Variants in ATF7IP2 observed in about 807,000 individuals in gnomAD.
The protein encoded by ATF7IP2 is activating transcription factor 7-interacting protein 2.
Under a neutral mutation model 64.2 loss-of-function variants are expected in ATF7IP2, and 42 were observed. That is an observed-to-expected ratio of 0.65 (90% confidence interval 0.51 to 0.85). The LOEUF (loss-of-function observed/expected upper bound fraction) is 0.85. Among genes scored for constraint, ATF7IP2 ranks in the 40% least tolerant of loss-of-function variants. The pLI is 0.00. For missense variants in ATF7IP2, 933 were observed against 784.2 expected, an observed-to-expected ratio of 1.19 and a Z score of -2.27; for synonymous variants, 308 against 272.8, an observed-to-expected ratio of 1.13 and a Z score of -1.27.
chr16:10,483,232 C>A lies in ATF7IP2; in HGVS notation c.*983C>A, dbSNP rs1012753077. 1.3e-5 allele frequency: 2 copies of A among 152,184 alleles called. No homozygotes were observed. Among genetic ancestry groups the A allele is most frequent in the African/African-American group, 2.4e-5 (1 of 41,448 alleles). 9.4% of individuals were successfully genotyped at this position (152,184 alleles called of 1,614,324 possible). Reference sequence around the variant, plus strand: ...CATAATGTATCTTATGAAAGCATTACCCAACCTGTTTGAGTTGAGAATGCA... The same window carrying A: ...CATAATGTATCTTATGAAAGCATTAACCAACCTGTTTGAGTTGAGAATGCA... On this transcript the variant is annotated 3_prime_UTR_variant, in exon 14 of 14. Transcript: ENST00000562102.
intron 9 of ATF7IP2, among the ~76,000 whole-genome samples, chr16:10,471,000 A>G (rs925501397): frequency 1.3e-5 from 2 of 152,082 alleles, no homozygotes; most frequent in Non-Finnish European, 2.9e-5. Flanking sequence ...TGGTGTTGGC[A>G]TAGGGATAGG....
chr16:10,409,913 A>G (rs1427936994), intron 1 of ATF7IP2, among the ~76,000 whole-genome samples: 4 of 152,188 alleles, frequency 2.6e-5, no homozygotes, highest in Non-Finnish European at 4.4e-5. Flanking sequence ...TCAGTTCTGT[A>G]TCCTGTTCCA....
chr16:10,435,780 A>T (rs1360527135), intron 6 of ATF7IP2, among the ~76,000 whole-genome samples: 1 of 152,208 alleles, frequency 6.6e-6, no homozygotes, highest in Non-Finnish European at 1.5e-5. Context: ...TGTTTAGTAT[A>T]CAACTTTCCA....
intron 1 of ATF7IP2, among the ~76,000 whole-genome samples, chr16:10,391,523 TTTTG>T (rs761719500): frequency 1.3e-5 from 2 of 152,238 alleles, no homozygotes; most frequent in Non-Finnish European, 2.9e-5. Context: ...TTTTTGTCTT[TTTTG>T]TATTTTTGTT....
intron 8 of ATF7IP2, chr16:10,447,281 G>A (rs974266711): frequency 2.6e-5 from 4 of 152,150 alleles, no homozygotes; most frequent in Admixed American, 6.5e-5. Context: ...TTGTCTTCTC[G>A]CGTTGCTGAG....
Position 10,482,395 on chromosome 16 carries a change from C to A in ATF7IP2, c.*146C>A. The A allele has an allele frequency of 1.7e-6, 1 of 588,870 alleles. No homozygotes were observed. Among genetic ancestry groups the A allele is most frequent in the South Asian group, 2.5e-5 (1 of 40,652 alleles). 36.5% of individuals were successfully genotyped at this position (588,870 alleles called of 1,614,324 possible). A position where few individuals can be genotyped will look rare whatever the true frequency, so the allele number is the denominator to read the frequency against. ...GTCCTCTTCTATATGTTTTAAGTGGCCAGTAATTTAATGAATTTCTGGTTT... is the reference window on the plus strand; with the variant it reads ...GTCCTCTTCTATATGTTTTAAGTGGACAGTAATTTAATGAATTTCTGGTTT... On this transcript the variant is annotated 3_prime_UTR_variant, in exon 14 of 14. Coordinates refer to ENST00000562102, the MANE Select transcript of ATF7IP2 (RefSeq NM_001393719.1).
intron 9 of ATF7IP2, among the ~76,000 whole-genome samples, chr16:10,467,524 T>C (rs1328809430): frequency 6.6e-6 from 1 of 152,024 alleles, no homozygotes; most frequent in Non-Finnish European, 1.5e-5. Flanking sequence ...CAAAAATATA[T>C]ATAAAAGAAA....
chr16:10,471,550 TAAAA>T (rs895518694), intron 9 of ATF7IP2, among the ~76,000 whole-genome samples: 2 of 150,034 alleles, frequency 1.3e-5, no homozygotes, highest in Non-Finnish European at 3.0e-5. Context: ...AAGTCGCTCA[TAAAA>T]AAAAAGGGTC....
intron 8 of ATF7IP2, chr16:10,447,444 G>C (rs2048846488): frequency 6.6e-6 from 1 of 152,166 alleles, no homozygotes; most frequent in African/African-American, 2.4e-5. Flanking sequence ...CAAATTGTTA[G>C]AAATGAGCTG....
rs966408006 is a variant in ATF7IP2, at chr16:10,393,785, T to C, written c.-242+7663T>C. Among the ~76,000 whole-genome samples the C allele has an allele frequency of 3.3e-5, 5 of 152,176 alleles. No homozygotes were observed. The East Asian group carries it at 9.6e-4, about 29-fold the overall frequency. ...TATGAAGGCCAGGTACAGTGGCTCA[T>C]GTCTGGAATCCTAGCACCTTGGTAG... On this transcript the variant is annotated intron_variant, in intron 1 of 13. Transcript: ENST00000562102.
In ATF7IP2 at chr16:10,412,291, G is replaced by T. The variant is rs7204818; in HGVS notation, c.-241-2283G>T. Among the ~76,000 whole-genome samples the T allele has an allele frequency of 2.6e-3, 398 of 151,890 alleles. 1 individual carries two copies. Among genetic ancestry groups the T allele is most frequent in the Non-Finnish European group, 4.4e-3 (298 of 67,948 alleles). ...TAGATTGTCTGTTTGTGCTCTTTCAGACTTTTTGATTTAGGCATTTAGGGC... is the reference window on the plus strand; with the variant it reads ...TAGATTGTCTGTTTGTGCTCTTTCATACTTTTTGATTTAGGCATTTAGGGC... On this transcript the variant is annotated intron_variant, in intron 1 of 13. Transcript: ENST00000562102.
chr16:10,478,725 A>G (rs893411697), intron 12 of ATF7IP2, among the ~76,000 whole-genome samples: 7 of 152,190 alleles, frequency 4.6e-5, no homozygotes, highest in Non-Finnish European at 8.8e-5. Flanking sequence ...GCAACCTACA[A>G]AATGGGAGAA....
chr16:10,428,162 C>A (rs2048128489), intron 3 of ATF7IP2, among the ~76,000 whole-genome samples: 3 of 152,120 alleles, frequency 2.0e-5, no homozygotes, highest in Admixed American at 2.0e-4. Flanking sequence ...AGAAGAGGTG[C>A]AAGGGGCATA....
At chr16:10,465,615 T>C (rs1404877373) in intron 9 of ATF7IP2, among the ~76,000 whole-genome samples, 1 of 150,666 alleles carries the variant, frequency 6.6e-6, no homozygotes, top group South Asian at 2.1e-4. Context: ...GGTGTGCACC[T>C]GTAGTCCCAG....
intron 8 of ATF7IP2, among the ~76,000 whole-genome samples, chr16:10,450,493 G>C (rs1357516101): frequency 6.6e-6 from 1 of 152,056 alleles, no homozygotes; most frequent in African/African-American, 2.4e-5. Flanking sequence ...TATGAATCTG[G>C]GTGTTCCTGC....
intron 12 of ATF7IP2, among the ~76,000 whole-genome samples, chr16:10,479,421 TA>T (rs1466723149): frequency 1.3e-5 from 2 of 152,012 alleles, no homozygotes; most frequent in Non-Finnish European, 2.9e-5. Flanking sequence ...AAACACCACA[TA>T]TTCTCACTCA....
intron 3 of ATF7IP2, among the ~76,000 whole-genome samples, chr16:10,422,491 A>G (rs2048005600): frequency 6.6e-6 from 1 of 152,194 alleles, no homozygotes; most frequent in Non-Finnish European, 1.5e-5. Flanking sequence ...TAGAAGTTAC[A>G]ATTGGTTGAA....
intron 6 of ATF7IP2, among the ~76,000 whole-genome samples, chr16:10,435,893 A>G (rs2048403267): frequency 1.3e-5 from 2 of 152,176 alleles, no homozygotes; most frequent in Non-Finnish European, 2.9e-5. Flanking sequence ...AGGATGAGGA[A>G]CACTGTTAGA....
At position 10,430,994 on chromosome 16, in the gene ATF7IP2, C is replaced by T. The variant is rs1296861426; in HGVS notation, c.374C>T (p.Ser125Phe). The T allele has an allele frequency of 1.4e-5, 22 of 1,614,026 alleles. No individual in the cohort carries two copies. Among genetic ancestry groups the T allele is most frequent in the Non-Finnish European group, 1.7e-5 (20 of 1,180,030 alleles). ...SYQKPSRTTE[S>F]PSRVFTEEAK... ...CAAAAGCCAAGTAGAACAACAGAAT[C>T]CCCCAGCAGAGTCTTCACAGAAGAG... Residue 125 changes from serine (S) to phenylalanine (F), a missense_variant, in exon 5 of 14, where the codon TCC becomes TTC. Ser to Phe is a radical substitution (Grantham distance 155). Transcript: ENST00000562102.
Sources: allele counts gnomAD v4.1 joint callset (sites outside exome capture counted in the v4.1 genomes callset), GRCh38; gene constraint gnomAD v4.1.1; transcripts MANE v1.5; gene names NCBI Gene and HGNC (gene_info 2026-07-23, HGNC 2026-07-21).